The following GABBR2 variants were observed in gnomAD, a reference collection of about 807,000 sequenced individuals.
GABBR2 encodes G-protein coupled receptor 51.
A neutral mutation model predicts 105.6 loss-of-function variants in GABBR2; 23 were observed. The ratio of observed to expected loss-of-function variants is 0.22; its 90% confidence interval spans 0.16 to 0.31. The LOEUF (loss-of-function observed/expected upper bound fraction) is 0.31. Among genes scored for constraint, GABBR2 ranks in the 10% least tolerant of loss-of-function variants. The probability of loss-of-function intolerance (pLI) is 1.00; values close to 1 mark genes in which losing one functional copy is unlikely to be tolerated. For missense variants in GABBR2, 734 were observed against 1,245.5 expected (o/e 0.59, Z 6.18); for synonymous variants, 478 against 499.7 (o/e 0.96, Z 0.58).
Position 98,335,151 on chromosome 9 carries a change from T to C in GABBR2, c.1894-23946A>G, listed in dbSNP as rs188849078. On this transcript the variant is annotated intron_variant, in intron 13 of 18. Coordinates refer to ENST00000259455, the MANE Select transcript of GABBR2 (RefSeq NM_005458.8). The stretch of plus-strand genomic sequence containing the variant: ...CTCCCTTTTTTCCTCTTCCTTGCTC[T>C]CTCTCTTCCACTGGAGAAACAATTG... Among the ~76,000 whole-genome samples the C allele has an allele frequency of 2.4e-4, 37 of 152,272 alleles. No homozygotes were observed. The East Asian group carries it at 6.8e-3, about 28-fold the overall frequency.
At chr9:98,544,397 C>T (rs7026095) in intron 2 of GABBR2, among the ~76,000 whole-genome samples, 2,585 of 152,282 alleles carry the variant, frequency 0.017, 68 homozygotes, top group African/African-American at 0.057. Context: ...AACAGTAATT[C>T]AGCCATTACC....
intron 7 of GABBR2, among the ~76,000 whole-genome samples, chr9:98,419,672 T>G (rs1013129607): frequency 6.6e-6 from 1 of 152,196 alleles, no homozygotes; most frequent in Non-Finnish European, 1.5e-5. Context: ...AATTACTTTC[T>G]CTGATACAAC....
At chr9:98,594,471 C>T (rs1019124835) in intron 1 of GABBR2, among the ~76,000 whole-genome samples, 9 of 152,106 alleles carry the variant, frequency 5.9e-5, no homozygotes, top group African/African-American at 2.2e-4. Context: ...CAAACAGATG[C>T]CACCAAGTGC....
rs1363012264 is a variant in GABBR2, at chr9:98,289,467, T to C, written c.*1117A>G. 1 of 152,592 alleles carries C rather than the reference T, an allele frequency of 6.6e-6. No homozygotes were observed. Among genetic ancestry groups the C allele is most frequent in the Non-Finnish European group, 1.5e-5 (1 of 68,050 alleles). 9.5% of individuals were successfully genotyped at this position (152,592 alleles called of 1,614,324 possible). ...TATGAATGAGAATCAATCTGCTGACTGATCACCCCAGTGATCCCAAGGGGA... is the reference window on the plus strand; with the variant it reads ...TATGAATGAGAATCAATCTGCTGACCGATCACCCCAGTGATCCCAAGGGGA... On this transcript the variant is annotated 3_prime_UTR_variant, in exon 19 of 19. Transcript: ENST00000259455.
At chr9:98,420,761 T>C (rs567054307) in intron 7 of GABBR2, among the ~76,000 whole-genome samples, 59 of 151,764 alleles carry the variant, frequency 3.9e-4, no homozygotes, top group Non-Finnish European at 6.8e-4. Flanking sequence ...AAAGGGAAGG[T>C]TGGGGATGGT....
chr9:98,549,182 G>T lies in GABBR2; in HGVS notation c.460-7139C>A, dbSNP rs556163918. Among the ~76,000 whole-genome samples the T allele has an allele frequency of 7.4e-5, 9 of 122,156 alleles. 4 individuals are homozygous for T. In the East Asian group the frequency reaches 2.9e-3, roughly 39 times the overall value. 80.1% of individuals were successfully genotyped at this position (122,156 alleles called of 152,430 possible). A position where few individuals can be genotyped will look rare whatever the true frequency, so the allele number is the denominator to read the frequency against. ...GCTGGTCTTGCGCTCCTGACCTCAG[G>T]TGATCCACCTGCTTTGGCCTCCCAA... is the stretch of plus-strand genomic sequence containing the variant. On this transcript the variant is annotated intron_variant, in intron 2 of 18. Transcript: ENST00000259455.
intron 13 of GABBR2, among the ~76,000 whole-genome samples, chr9:98,358,828 G>A (rs531906505): frequency 5.3e-5 from 8 of 152,194 alleles, no homozygotes; most frequent in East Asian, 3.9e-4. Flanking sequence ...GGAAAGAGGC[G>A]GTGAAACCAG....
intron 1 of GABBR2, among the ~76,000 whole-genome samples, chr9:98,703,111 A>G (rs1204035398): frequency 6.6e-6 from 1 of 152,252 alleles, no homozygotes; most frequent in Non-Finnish European, 1.5e-5. Flanking sequence ...CAGTTGGGAA[A>G]GAAACACTCT....
intron 2 of GABBR2, among the ~76,000 whole-genome samples, chr9:98,566,912 A>G (rs141812220): frequency 1.3e-3 from 192 of 151,984 alleles, no homozygotes; most frequent in Admixed American, 2.2e-3. Context: ...TGACACATTT[A>G]TTATTTCTAT....
intron 1 of GABBR2, among the ~76,000 whole-genome samples, chr9:98,589,711 CTTTTTTT>C (rs561852717): frequency 7.5e-6 from 1 of 132,732 alleles, no homozygotes; most frequent in South Asian, 2.5e-4. Flanking sequence ...GTTTGGCTGT[CTTTTTTT>C]TTTTTTTTTT....
chr9:98,499,624 C>T (rs141159657), intron 3 of GABBR2, among the ~76,000 whole-genome samples: 1 of 152,252 alleles, frequency 6.6e-6, no homozygotes, highest in Non-Finnish European at 1.5e-5. Context: ...TGTAATAGAT[C>T]TTCCTCACAA....
At chr9:98,344,822 A>G (rs1436986885) in intron 13 of GABBR2, among the ~76,000 whole-genome samples, 1 of 152,070 alleles carries the variant, frequency 6.6e-6, no homozygotes, top group Admixed American at 6.5e-5. Context: ...TCTATCCTCA[A>G]TGTGCTAACT....
At chr9:98,471,928 A>AT (rs1487445059) in intron 6 of GABBR2, among the ~76,000 whole-genome samples, 3 of 152,176 alleles carry the variant, frequency 2.0e-5, no homozygotes, top group Non-Finnish European at 4.4e-5. Context: ...GTATGAAAAT[A>AT]TTTCTTTCAA....
Position 98,371,659 on chromosome 9 carries a change from T to C in GABBR2, c.1663-88A>G, listed in dbSNP as rs578009919. 1.0e-4 allele frequency: 74 copies of C among 729,734 alleles called. No homozygotes were observed. The Middle Eastern group carries it at 5.0e-3, about 49-fold the overall frequency. The allele number at this position is 729,734 out of a possible 1,614,324, so 45.2% of individuals were successfully genotyped here. On this transcript the variant is annotated intron_variant, in intron 11 of 18. Transcript: ENST00000259455. ...GAGTCCACCCTGCAAGGGGACTCTT[T>C]ATGATGGGGACAAATACTCCCCTCT...
Position 98,674,834 on chromosome 9 carries a change from C to T in GABBR2, c.321+33583G>A, listed in dbSNP as rs547459800. Among the ~76,000 whole-genome samples, 3 of 152,170 alleles carry T rather than the reference C, an allele frequency of 2.0e-5. No homozygotes were observed. In the South Asian group the frequency reaches 6.2e-4, roughly 32 times the overall value. On this transcript the variant is annotated intron_variant, in intron 1 of 18. Transcript: ENST00000259455. Reference sequence around the variant, plus strand: ...GGAGGGTTCAAGGCCATGGAAGAGGCTGTGCATGTGAGCCATCCACAGGGG... The same window carrying T: ...GGAGGGTTCAAGGCCATGGAAGAGGTTGTGCATGTGAGCCATCCACAGGGG...
At chr9:98,436,315 A>ATATATAT (rs59876797) in intron 7 of GABBR2, among the ~76,000 whole-genome samples, 1 of 87,030 alleles carries the variant, frequency 1.1e-5, no homozygotes, top group Non-Finnish European at 2.1e-5. Context: ...CCATAAATAT[A>ATATATAT]CCATATATAT....
chr9:98,466,796 A>C (rs1826568029), intron 6 of GABBR2, among the ~76,000 whole-genome samples: 1 of 152,148 alleles, frequency 6.6e-6, no homozygotes, highest in South Asian at 2.1e-4. Flanking sequence ...CAGTGACTTA[A>C]ATGAGATAGG....
At chr9:98,563,699 C>G (rs1828711344) in intron 2 of GABBR2, among the ~76,000 whole-genome samples, 1 of 152,158 alleles carries the variant, frequency 6.6e-6, no homozygotes, top group African/African-American at 2.4e-5. Flanking sequence ...GAAAATTATG[C>G]TTAAATCAGC....
At chr9:98,472,996 C>T in intron 6 of GABBR2, 150 bp downstream of exon 6, 1 of 644,646 alleles carries the variant, frequency 1.6e-6, no homozygotes, top group Non-Finnish European at 2.7e-6. Flanking sequence ...TTGTACATAC[C>T]ACATTTTACA....
Sources: allele counts gnomAD v4.1 joint callset (sites outside exome capture counted in the v4.1 genomes callset), GRCh38; gene constraint gnomAD v4.1.1; transcripts MANE v1.5; gene names NCBI Gene and HGNC (gene_info 2026-07-23, HGNC 2026-07-21).